The following PCCA variants were observed in gnomAD, a reference collection of about 807,000 sequenced individuals.
PCCA encodes the protein propionyl-CoA carboxylase alpha chain, mitochondrial.
PCCA carries 74 observed loss-of-function variants against 101.3 expected under a neutral mutation model. That is an observed-to-expected ratio of 0.73 (90% CI 0.61 to 0.89). The LOEUF (loss-of-function observed/expected upper bound fraction) is 0.89, where lower values mean the gene tolerates loss of function less well. PCCA is among the 40% of genes least tolerant of loss of function. PCCA has a pLI of 0.00. For missense variants in PCCA, 891 were observed against 907.0 expected, an observed-to-expected ratio of 0.98 and a Z score of 0.23; for synonymous variants, 294 against 313.6, an observed-to-expected ratio of 0.94 and a Z score of 0.66.
intron 19 of PCCA, among the ~76,000 whole-genome samples, chr13:100,392,715 G>A (rs879638517): frequency 1.3e-5 from 2 of 152,212 alleles, no homozygotes; most frequent in Non-Finnish European, 2.9e-5. Flanking sequence ...GCAGAGAGGT[G>A]GTAAGTTACC....
intron 6 of PCCA, among the ~76,000 whole-genome samples, chr13:100,184,401 C>A (rs2057066926): frequency 6.6e-6 from 1 of 152,074 alleles, no homozygotes; most frequent in Non-Finnish European, 1.5e-5. Context: ...AGTTTAATAC[C>A]ATAAATTCTC....
At chr13:100,439,774 G>A (rs561848326) in intron 20 of PCCA, among the ~76,000 whole-genome samples, 2 of 152,136 alleles carry the variant, frequency 1.3e-5, no homozygotes, top group East Asian at 3.9e-4. Context: ...CTATCCACCT[G>A]CTCACAGCAG....
intron 4 of PCCA, among the ~76,000 whole-genome samples, chr13:100,119,628 G>T (rs2049165930): frequency 6.6e-6 from 1 of 151,956 alleles, no homozygotes; most frequent in Non-Finnish European, 1.5e-5. Flanking sequence ...ACAGAGATAC[G>T]AGCATAGGGT....
chr13:100,144,940 A>C (rs953485523), intron 4 of PCCA, among the ~76,000 whole-genome samples: 1 of 152,220 alleles, frequency 6.6e-6, no homozygotes, highest in South Asian at 2.1e-4. Context: ...AGATGGGAGC[A>C]GCTCCAGAGG....
At chr13:100,273,400 T>A in intron 12 of PCCA, 54 bp downstream of exon 12, 2 of 1,394,824 alleles carry the variant, frequency 1.4e-6, no homozygotes, top group Non-Finnish European at 2.0e-6. Flanking sequence ...TACCCTTCCT[T>A]CTCCACCCTT....
At chr13:100,363,693 A>C (rs540182907) in intron 18 of PCCA, among the ~76,000 whole-genome samples, 1 of 152,264 alleles carries the variant, frequency 6.6e-6, no homozygotes, top group South Asian at 2.1e-4. Flanking sequence ...GCATTGTTTT[A>C]ACTCAGTATT....
chr13:100,477,894 C>T (rs539554283), intron 21 of PCCA, among the ~76,000 whole-genome samples: 10 of 152,318 alleles, frequency 6.6e-5, no homozygotes, highest in South Asian at 2.1e-4. Flanking sequence ...CTTCTTGTCC[C>T]GTCTGCAGAG....
Position 100,530,174 on chromosome 13 carries a change from A to G in PCCA, c.*8A>G, listed in dbSNP as rs374193469. ...CTCGTGGAGCTGGAATGAAGGATTT[A>G]TAACCTTTCAGTCATCACCCAATTT... On this transcript the variant is annotated 3_prime_UTR_variant, in exon 24 of 24. Transcript: ENST00000376285. 3.9e-5 allele frequency: 62 copies of G among 1,608,480 alleles called. No homozygotes were observed. Among genetic ancestry groups the G allele is most frequent in the Non-Finnish European group, 4.8e-5 (56 of 1,174,970 alleles).
chr13:100,464,687 T>C (rs548181998), intron 21 of PCCA: 35 of 152,332 alleles, frequency 2.3e-4, no homozygotes, highest in African/African-American at 8.2e-4. Flanking sequence ...GAATATGGAA[T>C]AGAAAGCACA....
chr13:100,142,254 C>G lies in PCCA; in HGVS notation c.301-12725C>G, dbSNP rs963865441. Among the ~76,000 whole-genome samples, 3 of 152,212 alleles carry G rather than the reference C, an allele frequency of 2.0e-5. No individual in the cohort carries two copies. In the South Asian group the frequency reaches 6.2e-4, roughly 32 times the overall value. ...CAACAGCTGCACTAAGTGTTCTTTC[C>G]TAAGCCAGCCAGATGTTTGGACTTG... On this transcript the variant is annotated intron_variant, in intron 4 of 23. Coordinates refer to ENST00000376285, the MANE Select transcript of PCCA (RefSeq NM_000282.4).
chr13:100,294,054 A>G (rs955527571), intron 12 of PCCA, among the ~76,000 whole-genome samples: 1 of 152,166 alleles, frequency 6.6e-6, no homozygotes, highest in Non-Finnish European at 1.5e-5. Context: ...AAAGTTCTGG[A>G]GGCTGGAAGT....
In PCCA at chr13:100,394,412, G is replaced by C. The variant is rs2076952909; in HGVS notation, c.1746+25838G>C. ...TCCTTTTGCATCAGCGCTGGTTCTT[G>C]GTGGCAGTCAGAGGTCTGTGGAATG... is the stretch of plus-strand genomic sequence containing the variant. On this transcript the variant is annotated intron_variant, in intron 19 of 23. Coordinates refer to ENST00000376285, the MANE Select transcript of PCCA (RefSeq NM_000282.4). This position sits in a 1 kb window ranked among gnomAD's most constrained non-coding sequence, Gnocchi z 4.3. Among the ~76,000 whole-genome samples the C allele has an allele frequency of 6.6e-6, 1 of 152,030 alleles. No homozygotes were observed. Among genetic ancestry groups the C allele is most frequent in the Non-Finnish European group, 1.5e-5 (1 of 67,996 alleles).
intron 15 of PCCA, among the ~76,000 whole-genome samples, chr13:100,308,207 T>C (rs549408913): frequency 1.3e-4 from 20 of 152,310 alleles, no homozygotes; most frequent in East Asian, 1.2e-3. Context: ...TACATCTGTA[T>C]TGAGGAATGA....
rs541957746 is a variant in PCCA at position 100,151,020 on chromosome 13, G to A, written c.301-3959G>A. The stretch of plus-strand genomic sequence containing the variant: ...GAGAGCTGGCGGTACTGCCAGCAGC[G>A]GACCCTCAGAAGAAAGCGCATGACA... On this transcript the variant is annotated intron_variant, in intron 4 of 23. Coordinates refer to ENST00000376285, the MANE Select transcript of PCCA (RefSeq NM_000282.4). The A allele has an allele frequency of 1.5e-4, 229 of 1,545,462 alleles. 4 individuals are homozygous for A. The South Asian group carries it at 2.4e-3, about 16-fold the overall frequency.
In PCCA at chr13:100,149,007, A is replaced by G. The variant is rs192067882; in HGVS notation, c.301-5972A>G. ...TCAAAGCGAATCTTTAAAAAAAATC[A>G]TTTTGTTTTCTATGATCAAATTGCC... On this transcript the variant is annotated intron_variant, in intron 4 of 23. Coordinates refer to ENST00000376285, the MANE Select transcript of PCCA (RefSeq NM_000282.4). Among the ~76,000 whole-genome samples, 6 of 152,152 alleles carry G rather than the reference A, an allele frequency of 3.9e-5. No individual in the cohort carries two copies. In the East Asian group the frequency reaches 1.2e-3, roughly 29 times the overall value.
intron 17 of PCCA, 38 bp from the exon 18 acceptor site, chr13:100,340,119 A>ATGAT (rs748498827): frequency 1.9e-6 from 2 of 1,072,846 alleles, no homozygotes; most frequent in Admixed American, 1.7e-5. Flanking sequence ...GTTAAAATAA[A>ATGAT]TGATTGATTG....
chr13:100,308,601 CA>C (rs1221306565), intron 15 of PCCA, among the ~76,000 whole-genome samples: 1 of 152,142 alleles, frequency 6.6e-6, no homozygotes, highest in African/African-American at 2.4e-5. Context: ...GCTGGGATTA[CA>C]AACGTGAGCC....
intron 6 of PCCA, among the ~76,000 whole-genome samples, chr13:100,208,798 T>C (rs2059029025): frequency 1.3e-5 from 2 of 152,170 alleles, no homozygotes; most frequent in African/African-American, 2.4e-5. Flanking sequence ...GATGCAAACA[T>C]GTACTTTCTT....
At chr13:100,315,118 T>C (rs1246487416) in intron 16 of PCCA, among the ~76,000 whole-genome samples, 11 of 152,152 alleles carry the variant, frequency 7.2e-5, no homozygotes, top group Admixed American at 6.6e-5. Flanking sequence ...TAGAAAAAAT[T>C]AGTGACAAAG....
Sources: allele counts gnomAD v4.1 joint callset (sites outside exome capture counted in the v4.1 genomes callset), GRCh38; gene constraint gnomAD v4.1.1; non-coding constraint Gnocchi (gnomAD v3.1); transcripts MANE v1.5; gene names NCBI Gene and HGNC (gene_info 2026-07-23, HGNC 2026-07-21).